Variants in WFDC3 observed in about 807,000 individuals in gnomAD.
WFDC3 encodes the protein WAP four-disulfide core domain protein 3.
Under a neutral mutation model 25.8 loss-of-function variants are expected in WFDC3, and 15 were observed. The ratio of observed to expected loss-of-function variants is 0.58; its 90% CI spans 0.39 to 0.89. The LOEUF (loss-of-function observed/expected upper bound fraction) is 0.89, where lower values mean the gene tolerates loss of function less well. WFDC3 is among the 40% of genes least tolerant of loss of function. WFDC3 has a pLI of 0.00. For synonymous variants in WFDC3, 103 were observed against 107.1 expected (o/e 0.96, Z 0.24); for missense variants, 264 against 289.8 (o/e 0.91, Z 0.65).
chr20:45,791,844 T>C lies in WFDC3; in HGVS notation c.-20A>G, dbSNP rs1020742289. On this transcript the variant is annotated 5_prime_UTR_variant, in exon 1 of 7. Coordinates refer to ENST00000243938, the MANE Select transcript of WFDC3 (RefSeq NM_080614.2). The stretch of plus-strand genomic sequence containing the variant: ...GACCTCCACCTACAAGGCCTCTAAG[T>C]GTAACTGTCCTGGGCGAGGCGCGGC... 22 of 447,898 alleles carry C rather than the reference T, an allele frequency of 4.9e-5. No individual in the cohort carries two copies. The highest frequency in any genetic ancestry group is 8.1e-5 in the Non-Finnish European group (22 of 272,664). 27.7% of individuals were successfully genotyped at this position (447,898 alleles called of 1,614,324 possible).
intron 3 of WFDC3, 117 bp from the exon 4 acceptor site, chr20:45,788,099 T>A: frequency 1.8e-6 from 2 of 1,094,496 alleles, no homozygotes; most frequent in Non-Finnish European, 2.5e-6. Flanking sequence ...AGGTAGGGAG[T>A]TCGAGAACAG....
intron 4 of WFDC3, chr20:45,778,855 A>C (rs1407984820): frequency 1.3e-5 from 2 of 150,972 alleles, no homozygotes; most frequent in African/African-American, 4.9e-5. Context: ...GTAAATGTAA[A>C]AAAAAAAAAA....
At chr20:45,774,759 A>G (rs944037132) in intron 6 of WFDC3, among the ~76,000 whole-genome samples, 3 of 152,144 alleles carry the variant, frequency 2.0e-5, no homozygotes, top group Non-Finnish European at 2.9e-5. Context: ...CCTGGCCAAC[A>G]TGGTGAAACA....
chr20:45,774,225 T>A lies in WFDC3; in HGVS notation c.*203A>T. 4 of 661,238 alleles carry A rather than the reference T, an allele frequency of 6.0e-6. No individual in the cohort carries two copies. The highest frequency in any genetic ancestry group is 1.1e-5 in the Non-Finnish European group (4 of 380,858). The allele number at this position is 661,238 out of a possible 1,614,324, so 41.0% of individuals were successfully genotyped here. ...CACAAACAAGAGGTCAGCACCAGCCTTTATCGGGAAAGAGAAGCACCACAC... is the reference window on the plus strand; with the variant it reads ...CACAAACAAGAGGTCAGCACCAGCCATTATCGGGAAAGAGAAGCACCACAC... On this transcript the variant is annotated 3_prime_UTR_variant, in exon 7 of 7. Coordinates refer to ENST00000243938, the MANE Select transcript of WFDC3 (RefSeq NM_080614.2).
chr20:45,786,349 G>A (rs894715063), intron 4 of WFDC3, among the ~76,000 whole-genome samples: 1 of 152,166 alleles, frequency 6.6e-6, no homozygotes, highest in Non-Finnish European at 1.5e-5. Flanking sequence ...AAACAAGATC[G>A]TGCCACTGCA....
intron 4 of WFDC3, among the ~76,000 whole-genome samples, chr20:45,783,686 T>C (rs570355982): frequency 6.6e-6 from 1 of 152,090 alleles, no homozygotes; most frequent in African/African-American, 2.4e-5. Context: ...ACCCAATGTC[T>C]GCCCTTGCCC....
At chr20:45,783,217 G>A (rs562386348) in intron 4 of WFDC3, among the ~76,000 whole-genome samples, 2 of 152,266 alleles carry the variant, frequency 1.3e-5, no homozygotes, top group African/African-American at 4.8e-5. Context: ...GCATCAGATA[G>A]GTGGGGAGGC....
At chr20:45,784,456 C>G (rs6073912) in intron 4 of WFDC3, among the ~76,000 whole-genome samples, 67,293 of 151,852 alleles carry the variant, frequency 0.44, 18,033 homozygotes, top group Non-Finnish European at 0.6. Context: ...AGAAATTGTA[C>G]TCCTGCTGGG....
intron 6 of WFDC3, among the ~76,000 whole-genome samples, chr20:45,774,814 G>T (rs1980056641): frequency 6.6e-6 from 1 of 152,014 alleles, no homozygotes; most frequent in Non-Finnish European, 1.5e-5. Flanking sequence ...ATGATGGCAG[G>T]CGCCTGTAAA....
At chr20:45,790,091 C>T in intron 1 of WFDC3, 109 bp from the exon 2 acceptor site, 1 of 717,468 alleles carries the variant, frequency 1.4e-6, no homozygotes, top group South Asian at 1.8e-5. Flanking sequence ...AGTCCCAAAA[C>T]CTTCCCTTTC....
chr20:45,780,203 A>C (rs2145684155), intron 4 of WFDC3, among the ~76,000 whole-genome samples: 1 of 151,408 alleles, frequency 6.6e-6, no homozygotes, highest in African/African-American at 2.4e-5. Context: ...CAGCCTCCTG[A>C]GTAGCTGAAC....
At chr20:45,786,910 T>C (rs6017692) in intron 4 of WFDC3, among the ~76,000 whole-genome samples, 105,246 of 151,374 alleles carry the variant, frequency 0.7, 36,815 homozygotes, top group Admixed American at 0.76. Context: ...CTGGCTAACA[T>C]GACGAAAACC....
In WFDC3 at chr20:45,787,979, C is replaced by T. The variant is rs1980765631; in HGVS notation, c.215G>A (p.Arg72Lys). 6.2e-7 allele frequency: 1 copy of T among 1,611,444 alleles called. No individual in the cohort carries two copies. Among genetic ancestry groups the T allele is most frequent in the South Asian group, 1.1e-5 (1 of 90,550 alleles). Residue 72 changes from arginine (R) to lysine (K), a missense_variant, in exon 4 of 7, where the codon AGG (arginine) becomes AAG (lysine). By Grantham distance (26) the Arg-to-Lys change is conservative (BLOSUM62 2). Coordinates refer to ENST00000243938, the MANE Select transcript of WFDC3 (RefSeq NM_080614.2). ...AATAACCCTAGGGCAATCTCTTTTC[C>T]TCCCTGTAGCAAAAAGGGAGACAGC... The part of the protein sequence containing the change: ...GRICRDIPKG[R>K]KRDCPRVIRK...
At chr20:45,775,972 C>A (rs1487768477) in intron 5 of WFDC3, among the ~76,000 whole-genome samples, 1 of 152,202 alleles carries the variant, frequency 6.6e-6, no homozygotes, top group East Asian at 1.9e-4. Flanking sequence ...CCTCCTCTGC[C>A]ACCCTAGACA....
chr20:45,790,156 G>A, intron 1 of WFDC3, 174 bp from the exon 2 acceptor site: 2 of 532,426 alleles, frequency 3.8e-6, no homozygotes, highest in Non-Finnish European at 6.7e-6. Context: ...ATTGGCTGCT[G>A]GAGTGTGGGA....
At chr20:45,789,467 C>T (rs1980844608) in intron 2 of WFDC3, among the ~76,000 whole-genome samples, 2 of 149,256 alleles carry the variant, frequency 1.3e-5, no homozygotes, top group South Asian at 2.1e-4. Context: ...GATCACGCCA[C>T]TGCACTCCAG....
In WFDC3 at chr20:45,776,658, A is replaced by ATGTG. The variant is rs1226207681; in HGVS notation, c.493+416_493+417insCACA. Among the ~76,000 whole-genome samples, 513 of 95,236 alleles carry ATGTG rather than the reference A, an allele frequency of 5.4e-3. 1 individual carries two copies. Among genetic ancestry groups the ATGTG allele is most frequent in the Non-Finnish European group, 9.7e-3 (442 of 45,558 alleles). 62.5% of individuals were successfully genotyped at this position (95,236 alleles called of 152,430 possible). A position where few individuals can be genotyped will look rare whatever the true frequency, so the allele number is the denominator to read the frequency against. ...AAAATATATATATATATATATATATATATGTGTGTGTGTGTTTCCAACTAA... is the reference window on the plus strand; with the variant it reads ...AAAATATATATATATATATATATATATGTGTATGTGTGTGTGTGTTTCCAACTAA... On this transcript the variant is annotated intron_variant, in intron 5 of 6. Coordinates refer to ENST00000243938, the MANE Select transcript of WFDC3 (RefSeq NM_080614.2).
At chr20:45,776,276 C>CTGTGTGTGTGTG (rs1182115340) in intron 5 of WFDC3, among the ~76,000 whole-genome samples, 2 of 68,384 alleles carry the variant, frequency 2.9e-5, no homozygotes, top group Non-Finnish European at 6.9e-5. Context: ...ATGCTTTTAT[C>CTGTGTGTGTGTG]TCTGTGTGTG....
chr20:45,786,333 G>A (rs74529257), intron 4 of WFDC3, among the ~76,000 whole-genome samples: 8,451 of 152,236 alleles, frequency 0.056, 306 homozygotes, highest in Non-Finnish European at 0.08. Context: ...GGTGGAGGTT[G>A]TAGTGAAACA....
Sources: gnomAD v4.1 joint callset for allele counts (sites outside exome capture counted in the v4.1 genomes callset) on GRCh38, gnomAD v4.1.1 for gene constraint, MANE v1.5 for transcripts, NCBI Gene and HGNC (gene_info 2026-07-23, HGNC 2026-07-21) for gene names.